Variants in RAB3IL1 observed in about 807,000 individuals in gnomAD.
RAB3IL1 encodes RAB3A interacting protein like 1.
Under a neutral mutation model 49.2 loss-of-function variants are expected in RAB3IL1, and 37 were observed. That is an observed-to-expected ratio of 0.75 (90% CI 0.58 to 0.99). RAB3IL1 has a LOEUF of 0.99. Among genes scored for constraint, RAB3IL1 ranks in the 50% least tolerant of loss-of-function variants. The probability of loss-of-function intolerance (pLI) is 0.00; values close to 1 mark genes in which losing one functional copy is unlikely to be tolerated. For missense variants in RAB3IL1, 484 were observed against 513.0 expected (o/e 0.94, Z 0.55); for synonymous variants, 193 against 213.9 (o/e 0.90, Z 0.85).
upstream of RAB3IL1, among the ~76,000 whole-genome samples, chr11:61,923,505 C>G (rs1031467168): frequency 1.3e-5 from 2 of 152,226 alleles, no homozygotes; most frequent in Non-Finnish European, 2.9e-5. Context: ...AAGGCAGCCA[C>G]GCACACCTGG....
chr11:61,935,575 C>T, the RAB3IL1 span, among the ~76,000 whole-genome samples: 10 of 151,890 alleles, frequency 6.6e-5, no homozygotes, highest in Non-Finnish European at 1.5e-4. Context: ...AGTGCAGGGG[C>T]ACTATCTCAG....
the RAB3IL1 span, among the ~76,000 whole-genome samples, chr11:61,944,979 G>A: frequency 6.6e-6 from 1 of 152,210 alleles, no homozygotes; most frequent in Non-Finnish European, 1.5e-5. Context: ...GGGATTACAG[G>A]TAGGAGCCAC....
the RAB3IL1 span, among the ~76,000 whole-genome samples, chr11:61,935,955 G>A: frequency 8.3e-6 from 1 of 120,990 alleles, no homozygotes; most frequent in Non-Finnish European, 1.7e-5. Flanking sequence ...ATGCCAAGAG[G>A]AACATTTAAA....
At chr11:61,930,390 T>A in the RAB3IL1 span, among the ~76,000 whole-genome samples, 1 of 152,194 alleles carries the variant, frequency 6.6e-6, no homozygotes, top group African/African-American at 2.4e-5. Context: ...AAATATTTTT[T>A]AAAAAGGCAT....
the RAB3IL1 span, among the ~76,000 whole-genome samples, chr11:61,930,347 A>G: frequency 6.6e-6 from 1 of 152,234 alleles, no homozygotes; most frequent in Non-Finnish European, 1.5e-5. Flanking sequence ...GAATGTAATT[A>G]ATGTCACTAA....
the RAB3IL1 span, among the ~76,000 whole-genome samples, chr11:61,941,318 GA>G: frequency 6.6e-6 from 1 of 152,044 alleles, no homozygotes; most frequent in Non-Finnish European, 1.5e-5. Context: ...TTCCAATAGA[GA>G]AACGATTAGG....
At chr11:61,905,453 C>T (rs930311440) in intron 5 of RAB3IL1, among the ~76,000 whole-genome samples, 3 of 151,942 alleles carry the variant, frequency 2.0e-5, no homozygotes, top group Non-Finnish European at 2.9e-5. Context: ...CAGGTGGGAG[C>T]GGCCAGGCCG....
chr11:61,937,370 G>A, the RAB3IL1 span, among the ~76,000 whole-genome samples: 5 of 152,044 alleles, frequency 3.3e-5, no homozygotes, highest in East Asian at 1.9e-4. Flanking sequence ...GCAGTGTTGC[G>A]ATTATGGCTC....
Position 61,899,562 on chromosome 11 carries a change from TAGC to T in RAB3IL1, c.1000-185_1000-183del, listed in dbSNP as rs765570044. 844 of 580,728 alleles carry T rather than the reference TAGC, an allele frequency of 1.5e-3. 1 individual carries two copies. The highest frequency in any genetic ancestry group is 2.0e-3 in the Middle Eastern group (6 of 2,972). 36.0% of individuals were successfully genotyped at this position (580,728 alleles called of 1,614,324 possible). Reference sequence around the variant, plus strand: ...AACAGCATGACTAGCCCTGCTGTAATAGCAGCAGCAGCAGCAGCAGCCATTTCA... The same window carrying T: ...AACAGCATGACTAGCCCTGCTGTAATAGCAGCAGCAGCAGCAGCCATTTCA... On this transcript the variant is annotated intron_variant, in intron 8 of 9. Coordinates refer to ENST00000394836, the MANE Select transcript of RAB3IL1 (RefSeq NM_013401.4).
chr11:61,911,811 A>C (rs1939463997), intron 1 of RAB3IL1, among the ~76,000 whole-genome samples: 1 of 152,318 alleles, frequency 6.6e-6, no homozygotes, highest in African/African-American at 2.4e-5. Context: ...CAGGCAGTTC[A>C]TACAGGAAAG....
rs748918325 is a variant in RAB3IL1, at chr11:61,898,275, G to A, written c.*3C>T. Reference sequence around the variant, plus strand: ...GAGCTCCCCTTCAGGCCTGGGCCGCGCCCTAAGCCTCCTGGGGGAAGAAGC... The same window carrying A: ...GAGCTCCCCTTCAGGCCTGGGCCGCACCCTAAGCCTCCTGGGGGAAGAAGC... On this transcript the variant is annotated 3_prime_UTR_variant, in exon 10 of 10. Coordinates refer to ENST00000394836, the MANE Select transcript of RAB3IL1 (RefSeq NM_013401.4). The surrounding 1 kb of genome is among the most constrained non-coding windows in gnomAD (Gnocchi z 5.1). 38 of 1,612,298 alleles carry A rather than the reference G, an allele frequency of 2.4e-5. No individual in the cohort carries two copies. The highest frequency in any genetic ancestry group is 5.0e-5 in the Admixed American group (3 of 59,988).
In RAB3IL1 at chr11:61,898,465, C is replaced by T. The variant is rs980656203; in HGVS notation, c.1067-105G>A. 36 of 893,732 alleles carry T rather than the reference C, an allele frequency of 4.0e-5. No homozygotes were observed. The highest frequency in any genetic ancestry group is 3.4e-4 in the African/African-American group (21 of 61,096). The allele number at this position is 893,732 out of a possible 1,614,324, so 55.4% of individuals were successfully genotyped here. ...TTTGGACAGAGCAGCTGGCACAGCA[C>T]CCTAGGGTCCCCGGCCCCCAAAACA... On this transcript the variant is annotated intron_variant, in intron 9 of 9. Transcript: ENST00000394836. The surrounding 1 kb of genome is among the most constrained non-coding windows in gnomAD (Gnocchi z 5.1).
intron 1 of RAB3IL1, among the ~76,000 whole-genome samples, chr11:61,916,504 C>CAG (rs56747575): frequency 6.6e-6 from 1 of 152,154 alleles, no homozygotes; most frequent in Admixed American, 6.5e-5. Flanking sequence ...CCTGCCTTTC[C>CAG]GGGGGGCTTC....
the RAB3IL1 span, among the ~76,000 whole-genome samples, chr11:61,934,021 T>C: frequency 3.3e-5 from 5 of 151,768 alleles, no homozygotes; most frequent in African/African-American, 1.2e-4. Context: ...ATGAAGAAAA[T>C]GTTACTAGAA....
In RAB3IL1 at chr11:61,908,094, C is replaced by G; in HGVS notation, c.224G>C (p.Gly75Ala). 6.2e-7 allele frequency: 1 copy of G among 1,611,224 alleles called. No individual in the cohort carries two copies. The highest frequency in any genetic ancestry group is 8.5e-7 in the Non-Finnish European group (1 of 1,179,514). The change falls in exon 2 of 10, where the codon GGC (glycine) becomes GCC (alanine). Residue 75 changes from glycine (G) to alanine (A), a missense_variant. Gly to Ala is a moderately conservative substitution (Grantham distance 60, BLOSUM62 0). Transcript: ENST00000394836. ...CAGCTCCTCCTTCAGGAACTCGGAGCCCTTCTCTCGGATCTCCATGGAAGA... is the reference window on the plus strand; with the variant it reads ...CAGCTCCTCCTTCAGGAACTCGGAGGCCTTCTCTCGGATCTCCATGGAAGA... ...RSSSMEIREKGSEFLKEELHR... is the reference protein window; with the variant it reads ...RSSSMEIREKASEFLKEELHR...
intron 1 of RAB3IL1, among the ~76,000 whole-genome samples, chr11:61,911,539 G>A (rs1591233296): frequency 6.6e-6 from 1 of 152,164 alleles, no homozygotes; most frequent in South Asian, 2.1e-4. Flanking sequence ...CCAAGTCAGT[G>A]GTGAACTCAG....
chr11:61,944,445 C>T, the RAB3IL1 span, among the ~76,000 whole-genome samples: 1 of 152,010 alleles, frequency 6.6e-6, no homozygotes, highest in Admixed American at 6.6e-5. Flanking sequence ...GCAGATTCTG[C>T]ATTGGTAACA....
chr11:61,942,410 C>A, the RAB3IL1 span, among the ~76,000 whole-genome samples: 2 of 152,068 alleles, frequency 1.3e-5, no homozygotes, highest in Non-Finnish European at 2.9e-5. Flanking sequence ...TGTCCCATGA[C>A]CCTGCCAAAT....
At chr11:61,929,647 G>A in the RAB3IL1 span, among the ~76,000 whole-genome samples, 1 of 150,204 alleles carries the variant, frequency 6.7e-6, no homozygotes, top group African/African-American at 2.5e-5. Flanking sequence ...GTGCAGTGGT[G>A]TGATCTTAGC....
Sources: gnomAD v4.1 joint callset for allele counts (sites outside exome capture counted in the v4.1 genomes callset) on GRCh38, gnomAD v4.1.1 for gene constraint, Gnocchi (gnomAD v3.1) non-coding constraint, MANE v1.5 for transcripts, NCBI Gene and HGNC (gene_info 2026-07-23, HGNC 2026-07-21) for gene names.